The following SLC39A11 variants were observed in gnomAD, a reference collection of about 807,000 sequenced individuals.
SLC39A11 encodes zinc transporter ZIP11.
SLC39A11 carries 33 observed loss-of-function variants against 36.1 expected under a neutral mutation model. That is an observed-to-expected ratio of 0.91 (90% CI 0.69 to 1.22). The LOEUF is 1.22. Ranked by LOEUF, SLC39A11 falls within the 50% of genes most tolerant of loss-of-function variation. The probability of loss-of-function intolerance (pLI) is 0.00; values close to 1 mark genes in which losing one functional copy is unlikely to be tolerated. For missense variants in SLC39A11, 432 were observed against 430.3 expected, an observed-to-expected ratio of 1.00 and a Z score of -0.03; for synonymous variants, 166 against 170.3, an observed-to-expected ratio of 0.97 and a Z score of 0.20.
rs1448639000 is a variant in SLC39A11, at chr17:73,025,561, TATC to T, written c.306+5992_306+5994del. 2.8e-4 allele frequency among the ~76,000 whole-genome samples: 43 copies of T among 152,302 alleles called. 1 individual carries two copies. Among genetic ancestry groups the T allele is most frequent in the African/African-American group, 1.0e-3 (42 of 41,580 alleles). ...ACAGAATGTTACGTAGGTATTAAAA[TATC>T]ATCAATAAAAATCATTTCAAATTTA... is the stretch of plus-strand genomic sequence containing the variant. On this transcript the variant is annotated intron_variant, in intron 4 of 9. Transcript: ENST00000255559.
At chr17:72,786,579 C>T (rs748911736) in intron 6 of SLC39A11, among the ~76,000 whole-genome samples, 10 of 152,062 alleles carry the variant, frequency 6.6e-5, no homozygotes, top group Non-Finnish European at 1.0e-4. Flanking sequence ...TGATGGATCC[C>T]GGGGTGTTTT....
chr17:72,732,040 CTTTTTTTTTTTTT>C (rs764728558), intron 7 of SLC39A11, among the ~76,000 whole-genome samples: 1 of 33,656 alleles, frequency 3.0e-5, no homozygotes, highest in South Asian at 1.1e-3. Flanking sequence ...CTTTTCTTTT[CTTTTTTTTTTTTT>C]TTTTTTTTTT....
intron 3 of SLC39A11, among the ~76,000 whole-genome samples, chr17:73,046,373 G>T (rs1004158997): frequency 6.6e-6 from 1 of 152,132 alleles, no homozygotes; most frequent in Non-Finnish European, 1.5e-5. Context: ...GCGTATGGTG[G>T]CCATGATTCC....
At chr17:72,766,043 G>A (rs895598914) in intron 6 of SLC39A11, among the ~76,000 whole-genome samples, 2 of 152,188 alleles carry the variant, frequency 1.3e-5, no homozygotes, top group African/African-American at 4.8e-5. Flanking sequence ...TGGAACGTGG[G>A]ATGTGAATTT....
chr17:72,829,948 C>G (rs908231790), intron 6 of SLC39A11, among the ~76,000 whole-genome samples: 1 of 151,674 alleles, frequency 6.6e-6, no homozygotes, highest in Non-Finnish European at 1.5e-5. Flanking sequence ...AGGAGGGGAT[C>G]GGTGCAGAGT....
At chr17:72,755,797 C>G (rs1162053534) in intron 6 of SLC39A11, among the ~76,000 whole-genome samples, 1 of 152,176 alleles carries the variant, frequency 6.6e-6, no homozygotes, top group Admixed American at 6.5e-5. Flanking sequence ...ACACAGGGTG[C>G]TTCTCTCCTC....
intron 6 of SLC39A11, among the ~76,000 whole-genome samples, chr17:72,739,814 T>C (rs2074595939): frequency 6.6e-6 from 1 of 152,166 alleles, no homozygotes; most frequent in Non-Finnish European, 1.5e-5. Context: ...CAGTGGACCC[T>C]TGAACAATGC....
chr17:72,649,408 G>A, intron 7 of SLC39A11, 140 bp from the exon 8 acceptor site: 6 of 671,690 alleles, frequency 8.9e-6, no homozygotes, highest in Non-Finnish European at 1.3e-5. Context: ...AGAGGAAGGA[G>A]AAAGGTCAGG....
At chr17:72,755,614 A>T (rs1026848018) in intron 6 of SLC39A11, among the ~76,000 whole-genome samples, 1 of 152,274 alleles carries the variant, frequency 6.6e-6, no homozygotes, top group Non-Finnish European at 1.5e-5. Flanking sequence ...TATAAATAAA[A>T]TATGCAACTC....
At chr17:72,852,572 C>T (rs539190769) in intron 5 of SLC39A11, among the ~76,000 whole-genome samples, 5 of 152,198 alleles carry the variant, frequency 3.3e-5, no homozygotes, top group African/African-American at 9.6e-5. Context: ...TATGCATGTA[C>T]GTGTGTGTGT....
In SLC39A11 at chr17:73,009,469, T is replaced by C. The variant is rs145237640; in HGVS notation, c.306+22087A>G. ...ATCAGACCCAAAAGGTCACATATTA[T>C]AGGATTCCAGTAATATGAAATGTCC... On this transcript the variant is annotated intron_variant, in intron 4 of 9. Coordinates refer to ENST00000255559, the MANE Select transcript of SLC39A11 (RefSeq NM_139177.4). Among the ~76,000 whole-genome samples, 127 of 152,096 alleles carry C rather than the reference T, an allele frequency of 8.3e-4. 1 individual carries two copies. In the Middle Eastern group the frequency reaches 0.024, roughly 29 times the overall value.
chr17:72,750,369 G>A (rs1015894503), intron 6 of SLC39A11, among the ~76,000 whole-genome samples: 19 of 147,172 alleles, frequency 1.3e-4, no homozygotes, highest in African/African-American at 4.2e-4. Context: ...CATCCCACAG[G>A]CCGTACATGG....
chr17:72,948,703 T>C (rs1331947489), intron 4 of SLC39A11, among the ~76,000 whole-genome samples: 2 of 152,258 alleles, frequency 1.3e-5, no homozygotes, highest in African/African-American at 4.8e-5. Flanking sequence ...AGTTAAGCAC[T>C]GATCAGTTTG....
At chr17:72,893,197 T>C (rs1040572917) in intron 5 of SLC39A11, among the ~76,000 whole-genome samples, 2 of 152,208 alleles carry the variant, frequency 1.3e-5, no homozygotes, top group African/African-American at 4.8e-5. Context: ...GGGCGGTGAT[T>C]CACGCCTGTA....
intron 6 of SLC39A11, among the ~76,000 whole-genome samples, chr17:72,786,960 C>A (rs1204152867): frequency 6.6e-6 from 1 of 152,066 alleles, no homozygotes; most frequent in Admixed American, 6.5e-5. Context: ...GCTGGGATTA[C>A]AGGCACCCGC....
chr17:72,962,505 C>G (rs2086678313), intron 4 of SLC39A11, among the ~76,000 whole-genome samples: 1 of 152,166 alleles, frequency 6.6e-6, no homozygotes, highest in South Asian at 2.1e-4. Context: ...CTCTCTGTTC[C>G]TAGAGGCTGC....
intron 7 of SLC39A11, among the ~76,000 whole-genome samples, chr17:72,719,530 G>A (rs2143542962): frequency 6.6e-6 from 1 of 152,318 alleles, no homozygotes; most frequent in East Asian, 1.9e-4. Context: ...ACCTTCCTCA[G>A]CAGGCTGCCC....
At chr17:72,917,199 G>A (rs1219251951) in intron 5 of SLC39A11, among the ~76,000 whole-genome samples, 1 of 152,214 alleles carries the variant, frequency 6.6e-6, no homozygotes, top group Non-Finnish European at 1.5e-5. Context: ...CACACACGTG[G>A]TTAACACACA....
intron 6 of SLC39A11, among the ~76,000 whole-genome samples, chr17:72,817,370 AGG>A (rs2077618138): frequency 7.7e-6 from 1 of 130,364 alleles, no homozygotes; most frequent in Non-Finnish European, 1.7e-5. Flanking sequence ...GAGGAGGAGG[AGG>A]TGGTGGTGTA....
Sources: gnomAD v4.1 joint callset for allele counts (sites outside exome capture counted in the v4.1 genomes callset) on GRCh38, gnomAD v4.1.1 for gene constraint, MANE v1.5 for transcripts, NCBI Gene and HGNC (gene_info 2026-07-23, HGNC 2026-07-21) for gene names.